RBFOX1: variants seen among roughly 807,000 people sequenced by gnomAD.
RBFOX1 encodes the protein RNA binding protein fox-1 homolog 1.
RBFOX1 carries 8 observed loss-of-function variants against 57.7 expected under a neutral mutation model. That is an observed-to-expected ratio of 0.14 (90% CI 0.08 to 0.25). The LOEUF is 0.25. Ranked by LOEUF, RBFOX1 falls within the 10% of genes least tolerant of loss-of-function variation. The pLI, the probability that RBFOX1 is intolerant of heterozygous loss-of-function variation, is 1.00. For synonymous variants in RBFOX1, 326 were observed against 222.4 expected (o/e 1.47, Z -4.15); for missense variants, 611 against 548.5 (o/e 1.11, Z -1.14).
At chr16:6,597,279 G>A (rs941301543) in intron 2 of RBFOX1, among the ~76,000 whole-genome samples, 1 of 152,102 alleles carries the variant, frequency 6.6e-6, no homozygotes, top group Non-Finnish European at 1.5e-5. Flanking sequence ...AGTAATGTGT[G>A]CCAGTTTTAT....
intron 2 of RBFOX1, among the ~76,000 whole-genome samples, chr16:6,604,981 T>C (rs2097906215): frequency 6.6e-6 from 1 of 151,886 alleles, no homozygotes; most frequent in Non-Finnish European, 1.5e-5. Flanking sequence ...CCAAAAAAAG[T>C]AAAATAAAAT....
chr16:6,180,109 G>A lies in RBFOX1; in HGVS notation c.-126-136886G>A, dbSNP rs184644610. Among the ~76,000 whole-genome samples, 164 of 151,690 alleles carry A rather than the reference G, an allele frequency of 1.1e-3. 2 individuals carry two copies. The highest frequency in any genetic ancestry group is 0.011 in the Admixed American group (160 of 15,214). ...TAGATCTGCAGTATTCTTTCCTTTT[G>A]ATTTTTTGTCTGGTTTTGATATGAG... On this transcript the variant is annotated intron_variant, in intron 1 of 15. Coordinates refer to ENST00000550418, the MANE Select transcript of RBFOX1 (RefSeq NM_018723.4).
intron 3 of RBFOX1, among the ~76,000 whole-genome samples, chr16:6,736,578 G>C (rs114123936): frequency 0.016 from 2,398 of 152,258 alleles, 63 homozygotes; most frequent in African/African-American, 0.055. Flanking sequence ...ATTTGGATTG[G>C]TTCCACGATT....
At chr16:6,358,166 T>G (rs954473632) in intron 2 of RBFOX1, among the ~76,000 whole-genome samples, 1 of 152,088 alleles carries the variant, frequency 6.6e-6, no homozygotes, top group Non-Finnish European at 1.5e-5. Flanking sequence ...GAACCTCAGC[T>G]TCCTAATGTG....
At chr16:6,201,623 G>A (rs1344780457) in intron 1 of RBFOX1, among the ~76,000 whole-genome samples, 2 of 152,104 alleles carry the variant, frequency 1.3e-5, no homozygotes, top group African/African-American at 4.8e-5. Context: ...GGTGAGTATA[G>A]TTAACTATAT....
chr16:5,374,510 C>A (rs925094667), intron 1 of RBFOX1, among the ~76,000 whole-genome samples: 1 of 151,984 alleles, frequency 6.6e-6, no homozygotes, highest in Non-Finnish European at 1.5e-5. Flanking sequence ...GAGCAGGCAG[C>A]AGTTTTATCT....
At chr16:7,698,819 C>T (rs574406840) in intron 14 of RBFOX1, among the ~76,000 whole-genome samples, 1 of 152,238 alleles carries the variant, frequency 6.6e-6, no homozygotes, top group Admixed American at 6.5e-5. Context: ...TTATTGAGAA[C>T]CTTCTGTATA....
chr16:7,661,934 G>A (rs1048712739), intron 12 of RBFOX1, among the ~76,000 whole-genome samples: 5 of 152,144 alleles, frequency 3.3e-5, no homozygotes, highest in East Asian at 3.9e-4. Flanking sequence ...CAAACATCCC[G>A]GCATGTTCTT....
chr16:7,478,393 A>G (rs1333345933), intron 4 of RBFOX1, among the ~76,000 whole-genome samples: 2 of 152,176 alleles, frequency 1.3e-5, no homozygotes, highest in Non-Finnish European at 1.5e-5. Flanking sequence ...AAGATTTTTT[A>G]AGGGAGTGAG....
At chr16:5,467,906 G>A (rs911141215) in intron 2 of RBFOX1, among the ~76,000 whole-genome samples, 1 of 152,164 alleles carries the variant, frequency 6.6e-6, no homozygotes, top group African/African-American at 2.4e-5. Flanking sequence ...TGTCAAGATA[G>A]CATCTTTTTA....
chr16:7,704,277 G>C (rs1384582643), intron 14 of RBFOX1, among the ~76,000 whole-genome samples: 1 of 152,202 alleles, frequency 6.6e-6, no homozygotes. Context: ...TGGTGAATTA[G>C]CCAGGAAAGC....
intron 3 of RBFOX1, among the ~76,000 whole-genome samples, chr16:5,779,806 A>G (rs1467925300): frequency 2.0e-5 from 3 of 152,160 alleles, no homozygotes; most frequent in African/African-American, 7.2e-5. Context: ...TGTCTTGTCT[A>G]AGTTCAAACC....
intron 3 of RBFOX1, among the ~76,000 whole-genome samples, chr16:6,929,798 C>T (rs927677641): frequency 1.3e-4 from 19 of 151,870 alleles, no homozygotes; most frequent in Admixed American, 1.1e-3. Context: ...TTATTGTATT[C>T]AAAGAAGTTG....
intron 2 of RBFOX1, among the ~76,000 whole-genome samples, chr16:6,497,687 G>C (rs778936498): frequency 9.2e-5 from 14 of 151,992 alleles, no homozygotes; most frequent in Admixed American, 3.3e-4. Context: ...CTCCTGAGTA[G>C]CTGAGATTAC....
At chr16:6,779,256 G>A (rs1304196431) in intron 3 of RBFOX1, among the ~76,000 whole-genome samples, 1 of 151,974 alleles carries the variant, frequency 6.6e-6, no homozygotes, top group African/African-American at 2.4e-5. Context: ...ATTTGTATGA[G>A]CACATGCAAT....
At chr16:7,121,400 A>G (rs2067153226) in intron 4 of RBFOX1, among the ~76,000 whole-genome samples, 1 of 152,160 alleles carries the variant, frequency 6.6e-6, no homozygotes, top group Admixed American at 6.6e-5. Flanking sequence ...GAAAACATAA[A>G]TATCAATCAT....
At chr16:6,780,400 T>A (rs1471377962) in intron 3 of RBFOX1, among the ~76,000 whole-genome samples, 7 of 44,078 alleles carry the variant, frequency 1.6e-4, no homozygotes, top group African/African-American at 7.9e-4. Flanking sequence ...ATATATATTT[T>A]TATATATATT....
At chr16:6,550,039 A>G (rs1303388187) in intron 2 of RBFOX1, among the ~76,000 whole-genome samples, 2 of 152,298 alleles carry the variant, frequency 1.3e-5, no homozygotes, top group South Asian at 2.1e-4. Flanking sequence ...CAAGAAGTGG[A>G]CACCATTCCA....
At chr16:6,986,120 A>G (rs1450001717) in intron 3 of RBFOX1, among the ~76,000 whole-genome samples, 1 of 151,384 alleles carries the variant, frequency 6.6e-6, no homozygotes, top group Non-Finnish European at 1.5e-5. Flanking sequence ...AATTCTAAAC[A>G]TGAAAAAATG....
Sources: gnomAD v4.1 joint callset for allele counts (sites outside exome capture counted in the v4.1 genomes callset) on GRCh38, gnomAD v4.1.1 for gene constraint, MANE v1.5 for transcripts, NCBI Gene and HGNC (gene_info 2026-07-23, HGNC 2026-07-21) for gene names.